Variants in PCSK5 observed in about 807,000 individuals in gnomAD.
PCSK5 encodes the protein proprotein convertase subtilisin/kexin type 5, also known as prohormone convertase 5.
PCSK5 carries 129 observed loss-of-function variants against 233.2 expected under a neutral mutation model. That is an observed-to-expected ratio of 0.55 (90% CI 0.48 to 0.64). The LOEUF is 0.64. Among genes scored for constraint, PCSK5 ranks in the 30% least tolerant of loss-of-function variants. The pLI is 0.00. For synonymous variants in PCSK5, 825 were observed against 879.2 expected, an observed-to-expected ratio of 0.94 and a Z score of 1.09; for missense variants, 2,076 against 2,430.1, an observed-to-expected ratio of 0.85 and a Z score of 3.06.
At chr9:75,919,004 T>C (rs1290665867) in intron 1 of PCSK5, among the ~76,000 whole-genome samples, 1 of 152,224 alleles carries the variant, frequency 6.6e-6, no homozygotes, top group Non-Finnish European at 1.5e-5. Flanking sequence ...GCAGTGAAAT[T>C]CACTGTACAG....
chr9:76,194,650 A>AAACACTT (rs1372785839), intron 20 of PCSK5: 1 of 404,274 alleles, frequency 2.5e-6, no homozygotes, highest in African/African-American at 2.2e-5. Flanking sequence ...GTGACTCTCT[A>AAACACTT]AACACTTCAT....
chr9:76,262,346 TGG>T (rs1827204010), intron 24 of PCSK5, among the ~76,000 whole-genome samples: 1 of 149,674 alleles, frequency 6.7e-6, no homozygotes, highest in African/African-American at 2.5e-5. Context: ...AGAACAAAGC[TGG>T]AGGCATCACG....
chr9:76,280,418 TGA>T, intron 24 of PCSK5, among the ~76,000 whole-genome samples: 1 of 152,106 alleles, frequency 6.6e-6, no homozygotes, highest in African/African-American at 2.4e-5. Context: ...AGCTTAAAAT[TGA>T]TTAAGCTTAG....
intron 28 of PCSK5, among the ~76,000 whole-genome samples, chr9:76,303,010 A>G (rs554073740): frequency 7.3e-6 from 1 of 136,506 alleles, no homozygotes; most frequent in East Asian, 2.1e-4. Context: ...TAGAATTTCC[A>G]AAGTTGGAAA....
At position 76,337,696 on chromosome 9, in the gene PCSK5, A is replaced by T. The variant is rs558887365; in HGVS notation, c.4749-534A>T. Among the ~76,000 whole-genome samples, 3 of 151,990 alleles carry T rather than the reference A, an allele frequency of 2.0e-5. No homozygotes were observed. The South Asian group carries it at 6.2e-4, about 32-fold the overall frequency. On this transcript the variant is annotated intron_variant, in intron 34 of 37. Coordinates refer to ENST00000674117, the MANE Select transcript of PCSK5 (RefSeq NM_001372043.1). ...ACCATGTTGGCCAGGCTGGTCTCAA[A>T]CTTCTGACCTCAAGTGATCCACCCA...
chr9:76,041,687 A>C (rs1238722431), intron 5 of PCSK5, among the ~76,000 whole-genome samples: 3 of 152,016 alleles, frequency 2.0e-5, no homozygotes, highest in Non-Finnish European at 4.4e-5. Context: ...TAAAAATACA[A>C]AAATTAGCCA....
At chr9:75,924,256 C>T (rs2131263184) in intron 1 of PCSK5, among the ~76,000 whole-genome samples, 1 of 152,230 alleles carries the variant, frequency 6.6e-6, no homozygotes, top group East Asian at 1.9e-4. Flanking sequence ...AGTTCATGCC[C>T]TCTAATGCCA....
chr9:76,229,004 G>C, intron 21 of PCSK5, among the ~76,000 whole-genome samples: 1 of 152,120 alleles, frequency 6.6e-6, no homozygotes, highest in East Asian at 1.9e-4. Flanking sequence ...AAAGAGGAAG[G>C]AAGAAAGGAA....
At chr9:76,337,224 G>A (rs886938283) in intron 34 of PCSK5, among the ~76,000 whole-genome samples, 8 of 150,338 alleles carry the variant, frequency 5.3e-5, no homozygotes, top group African/African-American at 2.0e-4. Context: ...ACCCAGGCTA[G>A]AGTGCAGTGG....
intron 15 of PCSK5, among the ~76,000 whole-genome samples, chr9:76,179,905 C>T (rs779103656): frequency 1.8e-4 from 28 of 151,904 alleles, no homozygotes; most frequent in Non-Finnish European, 4.0e-4. Flanking sequence ...AGTTACAAAA[C>T]GCAAAATGTG....
At chr9:76,276,820 T>C (rs1827703489) in intron 24 of PCSK5, among the ~76,000 whole-genome samples, 1 of 152,234 alleles carries the variant, frequency 6.6e-6, no homozygotes, top group African/African-American at 2.4e-5. Flanking sequence ...CCAGCAGTTC[T>C]TGGCACTGGA....
At position 76,358,655 on chromosome 9, in the gene PCSK5, G is replaced by T; in HGVS notation, c.5397G>T (p.Gln1799His). 1 of 1,612,796 alleles carries T rather than the reference G, an allele frequency of 6.2e-7. No individual in the cohort carries two copies. Among genetic ancestry groups the T allele is most frequent in the Non-Finnish European group, 8.5e-7 (1 of 1,179,888 alleles). The stretch of plus-strand genomic sequence containing the variant: ...GGAAGAAATCTCGTGGCCGAGTCCA[G>T]CCAGCAGCAAAGGCCGGCTATGAAA... ...VVWKKSRGRV[Q>H]PAAKAGYEKL... The change falls in exon 38 of 38, where the codon CAG (glutamine) becomes CAT (histidine). Residue 1799 changes from glutamine (Q) to histidine (H), a missense_variant. Transcript: ENST00000674117.
chr9:76,170,100 C>T (rs914323622), intron 13 of PCSK5, among the ~76,000 whole-genome samples: 1 of 152,156 alleles, frequency 6.6e-6, no homozygotes, highest in Non-Finnish European at 1.5e-5. Context: ...ATACATGATC[C>T]ACATCTCTAA....
intron 10 of PCSK5, among the ~76,000 whole-genome samples, chr9:76,154,409 C>T (rs1267455534): frequency 6.6e-6 from 1 of 152,082 alleles, no homozygotes; most frequent in African/African-American, 2.4e-5. Flanking sequence ...AATTTATGTC[C>T]TCATGGTTGT....
intron 10 of PCSK5, among the ~76,000 whole-genome samples, chr9:76,148,508 C>T (rs1353882352): frequency 1.3e-5 from 2 of 152,076 alleles, no homozygotes; most frequent in Non-Finnish European, 2.9e-5. Flanking sequence ...CATCCACTAC[C>T]GATCTAGAAT....
intron 10 of PCSK5, among the ~76,000 whole-genome samples, chr9:76,142,818 G>A (rs1440305062): frequency 6.6e-6 from 1 of 152,146 alleles, no homozygotes; most frequent in East Asian, 1.9e-4. Flanking sequence ...TATCTCTTGT[G>A]ACACTTCTTT....
chr9:76,121,328 T>G (rs1019268075), intron 9 of PCSK5, among the ~76,000 whole-genome samples: 3 of 152,164 alleles, frequency 2.0e-5, no homozygotes, highest in Non-Finnish European at 2.9e-5. Context: ...CTTATATTTA[T>G]GAATCAGATT....
At chr9:76,182,079 T>C (rs1432757939) in intron 16 of PCSK5, among the ~76,000 whole-genome samples, 1 of 152,086 alleles carries the variant, frequency 6.6e-6, no homozygotes, top group African/African-American at 2.4e-5. Flanking sequence ...CAAAGGAAAA[T>C]AGGTGTTCAC....
intron 34 of PCSK5, among the ~76,000 whole-genome samples, chr9:76,337,578 A>T (rs1038229427): frequency 1.3e-5 from 2 of 152,098 alleles, no homozygotes; most frequent in African/African-American, 4.8e-5. Flanking sequence ...GGTTCAAACG[A>T]TTCTCCTGCA....
Sources: allele counts gnomAD v4.1 joint callset (sites outside exome capture counted in the v4.1 genomes callset), GRCh38; gene constraint gnomAD v4.1.1; transcripts MANE v1.5; gene names NCBI Gene and HGNC (gene_info 2026-07-23, HGNC 2026-07-21).